ZNF521: variants seen among roughly 807,000 people sequenced by gnomAD.
ZNF521 encodes LYST-interacting protein 3.
Under a neutral mutation model 105.5 loss-of-function variants are expected in ZNF521, and 14 were observed. The observed-to-expected ratio is 0.13, with a 90% confidence interval of 0.09 to 0.21. ZNF521 has a LOEUF of 0.21. Among genes scored for constraint, ZNF521 ranks in the 10% least tolerant of loss-of-function variants. The pLI, the probability that ZNF521 is intolerant of heterozygous loss-of-function variation, is 1.00. For missense variants in ZNF521, 1,233 were observed against 1,629.7 expected, an observed-to-expected ratio of 0.76 and a Z score of 4.19; for synonymous variants, 635 against 606.0, an observed-to-expected ratio of 1.05 and a Z score of -0.70.
intron 3 of ZNF521, among the ~76,000 whole-genome samples, chr18:25,270,089 G>A (rs1473593882): frequency 1.3e-5 from 2 of 152,202 alleles, no homozygotes; most frequent in South Asian, 2.1e-4. Context: ...AATAAAAAAC[G>A]ATAATGGGGA....
At chr18:25,329,165 G>T (rs1398466685) in intron 2 of ZNF521, among the ~76,000 whole-genome samples, 1 of 152,158 alleles carries the variant, frequency 6.6e-6, no homozygotes, top group Non-Finnish European at 1.5e-5. Flanking sequence ...CAACTGGTGG[G>T]TCAAAAGCAA....
rs565741185 is a variant in ZNF521 at position 25,224,054 on chromosome 18, T to C, written c.3573+291A>G. The stretch of plus-strand genomic sequence containing the variant: ...AACTCACGGTGAAGCTATGCTGAGA[T>C]TCCAGATCTCAGTAGTGTTGGCATG... On this transcript the variant is annotated intron_variant, in intron 4 of 7. Coordinates refer to ENST00000361524, the MANE Select transcript of ZNF521 (RefSeq NM_015461.3). 1.4e-4 allele frequency: 46 copies of C among 338,920 alleles called. No homozygotes were observed. The East Asian group carries it at 1.8e-3, about 14-fold the overall frequency. 21.0% of individuals were successfully genotyped at this position (338,920 alleles called of 1,614,324 possible).
At chr18:25,105,223 A>G (rs2034048079) in intron 5 of ZNF521, among the ~76,000 whole-genome samples, 2 of 152,302 alleles carry the variant, frequency 1.3e-5, no homozygotes, top group South Asian at 2.1e-4. Flanking sequence ...CACAGGACCT[A>G]GAATCTAGGC....
chr18:25,178,077 G>A (rs923957986), intron 5 of ZNF521, among the ~76,000 whole-genome samples: 3 of 152,084 alleles, frequency 2.0e-5, no homozygotes, highest in Admixed American at 6.5e-5. Context: ...AAGGAACTCT[G>A]CTAAAAAAAC....
chr18:25,270,090 AT>A (rs1909549608), intron 3 of ZNF521, among the ~76,000 whole-genome samples: 1 of 152,192 alleles, frequency 6.6e-6, no homozygotes, highest in African/African-American at 2.4e-5. Flanking sequence ...ATAAAAAACG[AT>A]AATGGGGATA....
At chr18:25,190,592 T>C (rs1023335169) in intron 5 of ZNF521, among the ~76,000 whole-genome samples, 4 of 152,220 alleles carry the variant, frequency 2.6e-5, no homozygotes, top group Non-Finnish European at 4.4e-5. Flanking sequence ...GCTGAAATGC[T>C]TCAGAGGTGA....
chr18:25,189,260 G>A (rs1424614977), intron 5 of ZNF521, among the ~76,000 whole-genome samples: 1 of 152,066 alleles, frequency 6.6e-6, no homozygotes, highest in Admixed American at 6.5e-5. Context: ...CTTTGCACTT[G>A]GTAAGCAGTA....
chr18:25,092,011 G>A lies in ZNF521; in HGVS notation c.3729C>T (p.His1243=), dbSNP rs763524989. ...TFDSPAKLQC[H]LIEHSFEGMG... ...TCCCTTCGAAGCTGTGCTCTATCAG[G>A]TGGCACTGGAGTTTGGCAGGAGAGT... The change falls in exon 6 of 8, where the codon CAC becomes CAT. Residue 1243 remains histidine, a synonymous_variant. Coordinates refer to ENST00000361524, the MANE Select transcript of ZNF521 (RefSeq NM_015461.3). 6.2e-7 allele frequency: 1 copy of A among 1,614,040 alleles called. No homozygotes were observed. Among genetic ancestry groups the A allele is most frequent in the Non-Finnish European group, 8.5e-7 (1 of 1,179,926 alleles).
At chr18:25,182,073 T>C (rs1039162535) in intron 5 of ZNF521, among the ~76,000 whole-genome samples, 1 of 152,160 alleles carries the variant, frequency 6.6e-6, no homozygotes, top group African/African-American at 2.4e-5. Context: ...CATTTTACCA[T>C]GCATTCAATT....
chr18:25,350,970 GT>G, intron 1 of ZNF521, 23 bp from the exon 2 acceptor site: 1 of 1,539,186 alleles, frequency 6.5e-7, no homozygotes, highest in Admixed American at 2.0e-5. Flanking sequence ...AGCTGAAGTT[GT>G]TTCAATTCAG....
At chr18:25,287,442 A>C (rs550329604) in intron 3 of ZNF521, among the ~76,000 whole-genome samples, 6 of 152,310 alleles carry the variant, frequency 3.9e-5, no homozygotes, top group African/African-American at 1.4e-4. Context: ...CTTATAAAAA[A>C]CATTATGTGT....
intron 7 of ZNF521, among the ~76,000 whole-genome samples, chr18:25,065,655 A>C (rs1223325276): frequency 6.6e-6 from 1 of 152,068 alleles, no homozygotes; most frequent in Non-Finnish European, 1.5e-5. Context: ...AAAACAGTTT[A>C]ATTACATTAT....
intron 7 of ZNF521, among the ~76,000 whole-genome samples, chr18:25,070,804 G>GC (rs1334166426): frequency 6.6e-6 from 1 of 152,088 alleles, no homozygotes; most frequent in African/African-American, 2.4e-5. Context: ...GAGGAACACT[G>GC]CCTTATACTG....
chr18:25,223,898 C>G (rs75155057), intron 4 of ZNF521: 4,456 of 229,368 alleles, frequency 0.019, 204 homozygotes, highest in African/African-American at 0.093. Flanking sequence ...AAAAGCCACC[C>G]CTACCCAATT....
intron 2 of ZNF521, among the ~76,000 whole-genome samples, chr18:25,343,750 G>A (rs1914335554): frequency 6.6e-6 from 1 of 151,880 alleles, no homozygotes; most frequent in South Asian, 2.1e-4. Flanking sequence ...TTCTTTTCAG[G>A]ATTTTTCAAA....
chr18:25,243,733 C>T (rs1907508997), intron 3 of ZNF521, among the ~76,000 whole-genome samples: 1 of 152,114 alleles, frequency 6.6e-6, no homozygotes, highest in African/African-American at 2.4e-5. Context: ...TACTATATGG[C>T]ACATCCAAGT....
chr18:25,305,123 A>G (rs1172206794), intron 3 of ZNF521, among the ~76,000 whole-genome samples: 1 of 152,168 alleles, frequency 6.6e-6, no homozygotes, highest in Admixed American at 6.5e-5. Flanking sequence ...CAAAAGTACA[A>G]ATCTCCCATA....
chr18:25,254,882 GA>G (rs549191334), intron 3 of ZNF521, among the ~76,000 whole-genome samples: 300 of 152,194 alleles, frequency 2.0e-3, no homozygotes, highest in Non-Finnish European at 3.2e-3. Flanking sequence ...CCCTAAGAAA[GA>G]GTCTGAAAAA....
intron 3 of ZNF521, among the ~76,000 whole-genome samples, chr18:25,309,004 G>A (rs1195898900): frequency 6.6e-6 from 1 of 152,128 alleles, no homozygotes; most frequent in Non-Finnish European, 1.5e-5. Flanking sequence ...TAGCTGTCAG[G>A]CACCAACTTA....
Sources: gnomAD v4.1 joint callset for allele counts (sites outside exome capture counted in the v4.1 genomes callset) on GRCh38, gnomAD v4.1.1 for gene constraint, MANE v1.5 for transcripts, NCBI Gene and HGNC (gene_info 2026-07-23, HGNC 2026-07-21) for gene names.